LIMD1: variants seen among roughly 807,000 people sequenced by gnomAD.
LIMD1 encodes LIM domain containing 1, also known as LIM domain-containing protein 1.
In LIMD1, 23 loss-of-function variants were observed where a neutral mutation model predicts 58.4. That is an observed-to-expected ratio of 0.39 (90% CI 0.28 to 0.56). The LOEUF (loss-of-function observed/expected upper bound fraction) is 0.56, where lower values mean the gene tolerates loss of function less well. Among genes scored for constraint, LIMD1 ranks in the 20% least tolerant of loss-of-function variants. The probability of loss-of-function intolerance (pLI) is 0.57; values close to 1 mark genes in which losing one functional copy is unlikely to be tolerated. For missense variants in LIMD1, 838 were observed against 855.5 expected (o/e 0.98, Z 0.25); for synonymous variants, 334 against 345.5 (o/e 0.97, Z 0.37).
At chr3:45,611,214 C>G (rs1380044951) in intron 1 of LIMD1, among the ~76,000 whole-genome samples, 2 of 152,218 alleles carry the variant, frequency 1.3e-5, no homozygotes, top group African/African-American at 4.8e-5. Context: ...ACAAAAAGAT[C>G]ATCATTTGTT....
intron 2 of LIMD1, among the ~76,000 whole-genome samples, chr3:45,643,104 C>T (rs1377933190): frequency 6.6e-6 from 1 of 152,180 alleles, no homozygotes; most frequent in African/African-American, 2.4e-5. Context: ...GGGAGGCTGG[C>T]TCCCACCTGT....
intron 1 of LIMD1, among the ~76,000 whole-genome samples, chr3:45,607,737 G>A (rs1701481422): frequency 6.6e-6 from 1 of 152,152 alleles, no homozygotes; most frequent in Non-Finnish European, 1.5e-5. Flanking sequence ...CAGCAGGCCC[G>A]AGCTGGCCAG....
intron 1 of LIMD1, among the ~76,000 whole-genome samples, chr3:45,613,635 T>C (rs1268286486): frequency 6.6e-6 from 1 of 151,886 alleles, no homozygotes; most frequent in Non-Finnish European, 1.5e-5. Flanking sequence ...AGGATTGTTT[T>C]TGTGTAAGAC....
rs1701322520 is a variant in LIMD1, at chr3:45,594,825, A to G, written c.-55A>G. The G allele has an allele frequency of 2.6e-6, 2 of 770,594 alleles. No homozygotes were observed. The highest frequency in any genetic ancestry group is 2.0e-6 in the Non-Finnish European group (1 of 499,142). The allele number at this position is 770,594 out of a possible 1,614,324, so 47.7% of individuals were successfully genotyped here. ...CACACACACACACACACACACACACACACACACACACACACACACGGCACC... is the reference window on the plus strand; with the variant it reads ...CACACACACACACACACACACACACGCACACACACACACACACACGGCACC... On this transcript the variant is annotated 5_prime_UTR_variant, in exon 1 of 8. Transcript: ENST00000273317.
chr3:45,667,013 A>T (rs1697529218), intron 3 of LIMD1, among the ~76,000 whole-genome samples: 1 of 152,252 alleles, frequency 6.6e-6, no homozygotes, highest in African/African-American at 2.4e-5. Flanking sequence ...AAATTATTCC[A>T]GCAGTGCCTC....
intron 1 of LIMD1, among the ~76,000 whole-genome samples, chr3:45,623,085 C>T (rs1701641348): frequency 6.6e-6 from 1 of 152,232 alleles, no homozygotes. Context: ...ACACTGTTAT[C>T]ATCCTTATTT....
chr3:45,676,495 T>A (rs1697674295), intron 7 of LIMD1, among the ~76,000 whole-genome samples: 1 of 152,140 alleles, frequency 6.6e-6, no homozygotes, highest in Non-Finnish European at 1.5e-5. Context: ...GTTGTTCCCC[T>A]CCCTGTGTCC....
intron 1 of LIMD1, among the ~76,000 whole-genome samples, chr3:45,624,759 A>C (rs1303339034): frequency 1.3e-5 from 2 of 151,936 alleles, no homozygotes; most frequent in African/African-American, 4.8e-5. Context: ...TTTCCATCAC[A>C]ACAGGAGATG....
In LIMD1 at chr3:45,677,187, A is replaced by C; in HGVS notation, c.*128A>C. 9.7e-7 allele frequency: 1 copy of C among 1,028,148 alleles called. No individual in the cohort carries two copies. The highest frequency in any genetic ancestry group is 1.4e-6 in the Non-Finnish European group (1 of 701,976). 63.7% of individuals were successfully genotyped at this position (1,028,148 alleles called of 1,614,324 possible). On this transcript the variant is annotated 3_prime_UTR_variant, in exon 8 of 8. Transcript: ENST00000273317. ...GGCAGGAGGGAGAGTTCCTGTGAGCATGTGGGGGGTGCCTTTCCTTTAACC... is the reference window on the plus strand; with the variant it reads ...GGCAGGAGGGAGAGTTCCTGTGAGCCTGTGGGGGGTGCCTTTCCTTTAACC...
At chr3:45,600,528 C>T (rs1701401034) in intron 1 of LIMD1, among the ~76,000 whole-genome samples, 1 of 152,128 alleles carries the variant, frequency 6.6e-6, no homozygotes, top group African/African-American at 2.4e-5. Context: ...CAGCCATCCT[C>T]CCCACCCCCT....
intron 1 of LIMD1, among the ~76,000 whole-genome samples, chr3:45,605,860 T>C (rs1052884114): frequency 6.6e-6 from 1 of 152,004 alleles, no homozygotes; most frequent in African/African-American, 2.4e-5. Context: ...GCGCCCTGGG[T>C]GTTGTTGGGT....
Position 45,682,367 on chromosome 3 carries a change from A to G in LIMD1, c.*5308A>G, listed in dbSNP as rs908767387. 3.3e-5 allele frequency: 5 copies of G among 152,220 alleles called. No individual in the cohort carries two copies. Among genetic ancestry groups the G allele is most frequent in the African/African-American group, 1.2e-4 (5 of 41,446 alleles). The allele number at this position is 152,220 out of a possible 1,614,324, so 9.4% of individuals were successfully genotyped here. A position where few individuals can be genotyped will look rare whatever the true frequency, so the allele number is the denominator to read the frequency against. On this transcript the variant is annotated 3_prime_UTR_variant, in exon 8 of 8. Coordinates refer to ENST00000273317, the MANE Select transcript of LIMD1 (RefSeq NM_014240.3). ...TGATATGGAGTGTTTGCTGATACCT[A>G]TGATGTAAATATTCCCGCCATGGCC...
intron 1 of LIMD1, among the ~76,000 whole-genome samples, chr3:45,617,664 G>T (rs1448542961): frequency 6.6e-6 from 1 of 152,252 alleles, no homozygotes; most frequent in Non-Finnish European, 1.5e-5. Flanking sequence ...GTAAGCTGCA[G>T]AACTGAACAA....
chr3:45,616,916 G>A (rs927889644), intron 1 of LIMD1, among the ~76,000 whole-genome samples: 2 of 151,868 alleles, frequency 1.3e-5, no homozygotes, highest in African/African-American at 4.8e-5. Flanking sequence ...TGTATTTTTA[G>A]TAGAGACGGG....
In LIMD1 at chr3:45,595,899, G is replaced by T; in HGVS notation, c.1020G>T (p.Gly340=). The change falls in exon 1 of 8, where the codon GGG becomes GGT. Residue 340 remains glycine (G), a synonymous_variant. Transcript: ENST00000273317. ...ACCCCCAACCCTGGTTCCAGGATGG[G>T]CCCAAATCTTACCTTTCCAGTTCTG... ...NVDPQPWFQD[G]PKSYLSSSAP... The T allele has an allele frequency of 6.2e-7, 1 of 1,614,208 alleles. No individual in the cohort carries two copies. The highest frequency in any genetic ancestry group is 1.1e-5 in the South Asian group (1 of 91,086).
At chr3:45,597,818 G>C (rs2125646612) in intron 1 of LIMD1, among the ~76,000 whole-genome samples, 1 of 152,290 alleles carries the variant, frequency 6.6e-6, no homozygotes, top group East Asian at 1.9e-4. Flanking sequence ...TGAGGGACCA[G>C]GGTCTGAGGC....
At chr3:45,634,296 T>C (rs1701765360) in intron 1 of LIMD1, among the ~76,000 whole-genome samples, 1 of 152,252 alleles carries the variant, frequency 6.6e-6, no homozygotes, top group Non-Finnish European at 1.5e-5. Context: ...ATAATTGTGC[T>C]GTCTTTCATT....
intron 4 of LIMD1, among the ~76,000 whole-genome samples, chr3:45,668,749 C>T (rs1029813553): frequency 4.5e-5 from 3 of 66,524 alleles, no homozygotes; most frequent in African/African-American, 1.5e-4. Context: ...TGAGACTCCA[C>T]CTCAAAAAAA....
At chr3:45,660,916 C>T (rs1336062484) in intron 2 of LIMD1, among the ~76,000 whole-genome samples, 2 of 152,160 alleles carry the variant, frequency 1.3e-5, no homozygotes, top group East Asian at 3.8e-4. Context: ...AATTAATTTC[C>T]ATGGCTGTCA....
Sources: allele counts gnomAD v4.1 joint callset (sites outside exome capture counted in the v4.1 genomes callset), GRCh38; gene constraint gnomAD v4.1.1; transcripts MANE v1.5; gene names NCBI Gene and HGNC (gene_info 2026-07-23, HGNC 2026-07-21).